The following GRIK1 variants were observed in gnomAD, a reference collection of about 807,000 sequenced individuals.
GRIK1 encodes glutamate receptor ionotropic, kainate 1.
In GRIK1, 69 loss-of-function variants were observed where a neutral mutation model predicts 105.7. The observed-to-expected ratio is 0.65, with a 90% CI of 0.54 to 0.80. GRIK1 has a LOEUF of 0.80. Ranked by LOEUF, GRIK1 falls within the 30% of genes least tolerant of loss-of-function variation. The probability of loss-of-function intolerance (pLI) is 0.00; values close to 1 mark genes in which losing one functional copy is unlikely to be tolerated. For synonymous variants in GRIK1, 438 were observed against 431.3 expected, an observed-to-expected ratio of 1.02 and a Z score of -0.19; for missense variants, 1,109 against 1,167.3, an observed-to-expected ratio of 0.95 and a Z score of 0.73.
intron 1 of GRIK1, among the ~76,000 whole-genome samples, chr21:29,802,218 T>C (rs1601733593): frequency 6.6e-6 from 1 of 152,300 alleles, no homozygotes; most frequent in Non-Finnish European, 1.5e-5. Context: ...TTTTCTTACA[T>C]CTAAATGTCA....
chr21:29,831,678 C>T (rs890022267), intron 1 of GRIK1, among the ~76,000 whole-genome samples: 1 of 152,052 alleles, frequency 6.6e-6, no homozygotes, highest in Non-Finnish European at 1.5e-5. Flanking sequence ...AATCAGCCCC[C>T]ATGATCAAAA....
chr21:29,889,693 A>T (rs894549111), intron 1 of GRIK1, among the ~76,000 whole-genome samples: 1 of 152,106 alleles, frequency 6.6e-6, no homozygotes, highest in African/African-American at 2.4e-5. Flanking sequence ...TTTAGAAACC[A>T]TCTCTAATTT....
intron 14 of GRIK1, among the ~76,000 whole-genome samples, chr21:29,575,852 A>G (rs1167244700): frequency 2.0e-5 from 3 of 152,066 alleles, no homozygotes; most frequent in African/African-American, 7.2e-5. Flanking sequence ...ACAAAACAAA[A>G]AAACAGCTGC....
At chr21:29,756,663 G>A (rs1352855011) in intron 1 of GRIK1, among the ~76,000 whole-genome samples, 5 of 151,238 alleles carry the variant, frequency 3.3e-5, no homozygotes, top group Non-Finnish European at 5.9e-5. Context: ...ATTCAAGACA[G>A]AGGAAATCCT....
chr21:29,918,174 C>T (rs970668938), intron 1 of GRIK1, among the ~76,000 whole-genome samples: 2 of 151,998 alleles, frequency 1.3e-5, no homozygotes, highest in Non-Finnish European at 2.9e-5. Context: ...GGAGTTACTA[C>T]TTAGAATTAC....
In GRIK1 at chr21:29,554,963, G is replaced by C. The variant is rs946021706; in HGVS notation, c.2607+89C>G. The C allele has an allele frequency of 4.4e-6, 5 of 1,145,318 alleles. No homozygotes were observed. The African/African-American group carries it at 7.7e-5, about 18-fold the overall frequency. The allele number at this position is 1,145,318 out of a possible 1,614,324, so 70.9% of individuals were successfully genotyped here. A position where few individuals can be genotyped will look rare whatever the true frequency, so the allele number is the denominator to read the frequency against. On this transcript the variant is annotated intron_variant, in intron 16 of 17. Coordinates refer to ENST00000327783, the MANE Select transcript of GRIK1 (RefSeq NM_001330994.2). The stretch of plus-strand genomic sequence containing the variant: ...TTCTGGGCATCTAATTCAATAGACT[G>C]AAAAAGAGCAAACATCCTTAAAAAC...
chr21:29,558,272 A>G (rs1197573854), intron 15 of GRIK1, among the ~76,000 whole-genome samples: 1 of 152,054 alleles, frequency 6.6e-6, no homozygotes, highest in Non-Finnish European at 1.5e-5. Flanking sequence ...ATATCTGAAT[A>G]TATTTTAACT....
chr21:29,835,321 G>A (rs1203384007), intron 1 of GRIK1, among the ~76,000 whole-genome samples: 5 of 152,116 alleles, frequency 3.3e-5, no homozygotes, highest in Admixed American at 2.0e-4. Flanking sequence ...GGGGCAGGTC[G>A]GAAAAGTGGG....
At chr21:29,812,213 C>T (rs946881765) in intron 1 of GRIK1, among the ~76,000 whole-genome samples, 1 of 152,144 alleles carries the variant, frequency 6.6e-6, no homozygotes, top group Non-Finnish European at 1.5e-5. Context: ...TAACCTCAAT[C>T]TCTGGAGTAG....
chr21:29,661,874 C>G (rs1241679409), intron 4 of GRIK1, among the ~76,000 whole-genome samples: 1 of 152,190 alleles, frequency 6.6e-6, no homozygotes, highest in African/African-American at 2.4e-5. Context: ...TCCCTCCATT[C>G]ACTTACACGT....
intron 3 of GRIK1, among the ~76,000 whole-genome samples, chr21:29,682,266 T>C (rs2063395534): frequency 6.6e-6 from 1 of 152,260 alleles, no homozygotes; most frequent in Non-Finnish European, 1.5e-5. Flanking sequence ...TTAACTTCTA[T>C]GTCCTTATGT....
chr21:29,659,372 T>C (rs2062917305), intron 4 of GRIK1, among the ~76,000 whole-genome samples: 1 of 152,180 alleles, frequency 6.6e-6, no homozygotes, highest in African/African-American at 2.4e-5. Context: ...CCTCTAATGA[T>C]CACCATTGTT....
At chr21:29,776,713 G>A (rs1305909075) in intron 1 of GRIK1, among the ~76,000 whole-genome samples, 2 of 152,188 alleles carry the variant, frequency 1.3e-5, no homozygotes, top group African/African-American at 4.8e-5. Context: ...ATTTAGTGAT[G>A]ACCTAAACAA....
In GRIK1 at chr21:29,540,958, C is replaced by T. The variant is rs2089958462; in HGVS notation, c.2608-3074G>A. On this transcript the variant is annotated intron_variant, in intron 16 of 17. Coordinates refer to ENST00000327783, the MANE Select transcript of GRIK1 (RefSeq NM_001330994.2). ...GGAGTTCACATTTCTAATAAATCTA[C>T]ACTTGCACTTGATTTTTTTTTTTTT... Among the ~76,000 whole-genome samples, 3 of 144,880 alleles carry T rather than the reference C, an allele frequency of 2.1e-5. No individual in the cohort carries two copies. In the South Asian group the frequency reaches 6.8e-4, roughly 33 times the overall value.
At chr21:29,682,763 A>G (rs916376314) in intron 3 of GRIK1, among the ~76,000 whole-genome samples, 3 of 152,226 alleles carry the variant, frequency 2.0e-5, no homozygotes, top group Non-Finnish European at 4.4e-5. Flanking sequence ...AATTGCAACA[A>G]AAACAAACAT....
chr21:29,733,010 A>T (rs2064680382), intron 1 of GRIK1, among the ~76,000 whole-genome samples: 2 of 152,208 alleles, frequency 1.3e-5, no homozygotes, highest in South Asian at 4.1e-4. Flanking sequence ...CATTGAACTT[A>T]ATTTATATAA....
At chr21:29,715,620 T>G (rs983234463) in intron 1 of GRIK1, among the ~76,000 whole-genome samples, 7 of 150,576 alleles carry the variant, frequency 4.6e-5, no homozygotes, top group Non-Finnish European at 8.9e-5. Context: ...AGAACTAGAC[T>G]TAGAGAGTTA....
intron 4 of GRIK1, among the ~76,000 whole-genome samples, chr21:29,655,484 C>T (rs2062831518): frequency 1.3e-5 from 2 of 152,222 alleles, no homozygotes; most frequent in Admixed American, 6.5e-5. Context: ...TTTGTCTTTC[C>T]CACTGCCTAA....
At chr21:29,756,986 A>T (rs2065361076) in intron 1 of GRIK1, among the ~76,000 whole-genome samples, 1 of 152,124 alleles carries the variant, frequency 6.6e-6, no homozygotes, top group South Asian at 2.1e-4. Flanking sequence ...GTGTGGTGGC[A>T]GGTGCCTGTA....
Sources: gnomAD v4.1 joint callset for allele counts (sites outside exome capture counted in the v4.1 genomes callset) on GRCh38, gnomAD v4.1.1 for gene constraint, MANE v1.5 for transcripts, NCBI Gene and HGNC (gene_info 2026-07-23, HGNC 2026-07-21) for gene names.